The following PPM1L variants were observed in gnomAD, a reference collection of about 807,000 sequenced individuals.
The protein encoded by PPM1L is protein phosphatase, Mg2+/Mn2+ dependent 1L, also known as protein phosphatase 1L.
PPM1L carries 13 observed loss-of-function variants against 31.4 expected under a neutral mutation model. That is an observed-to-expected ratio of 0.41 (90% confidence interval 0.27 to 0.66). PPM1L has a LOEUF of 0.66. PPM1L is among the 30% of genes least tolerant of loss of function. The probability of loss-of-function intolerance (pLI) is 0.29; values close to 1 mark genes in which losing one functional copy is unlikely to be tolerated. For synonymous variants in PPM1L, 184 were observed against 175.4 expected, an observed-to-expected ratio of 1.05 and a Z score of -0.39; for missense variants, 326 against 453.7, an observed-to-expected ratio of 0.72 and a Z score of 2.56.
At chr3:160,872,826 C>A (rs1470003103) in intron 1 of PPM1L, among the ~76,000 whole-genome samples, 3 of 152,072 alleles carry the variant, frequency 2.0e-5, no homozygotes, top group African/African-American at 7.2e-5. Context: ...ACTTGGGAAT[C>A]TGGGACAGGA....
intron 1 of PPM1L, among the ~76,000 whole-genome samples, chr3:160,759,350 C>G (rs1285924939): frequency 1.3e-5 from 2 of 152,174 alleles, no homozygotes; most frequent in Non-Finnish European, 2.9e-5. Context: ...TCTTTAGATG[C>G]AGAGGAGACA....
chr3:160,944,879 C>CAT lies in PPM1L; in HGVS notation c.400-16850_400-16849dup, dbSNP rs1338497426. Among the ~76,000 whole-genome samples the CAT allele has an allele frequency of 2.7e-3, 48 of 17,570 alleles. 3 individuals are homozygous for CAT. Among genetic ancestry groups the CAT allele is most frequent in the African/African-American group, 7.0e-3 (46 of 6,576 alleles). 11.5% of individuals were successfully genotyped at this position (17,570 alleles called of 152,430 possible). ...ATATTATATATAATGTTATATATAA[C>CAT]ATATATATTATATATAACTGATGTT... On this transcript the variant is annotated intron_variant, in intron 1 of 3. Transcript: ENST00000498165.
chr3:161,075,272 CAG>C lies in PPM1L; in HGVS notation c.*6116_*6117del, dbSNP rs759506939. On this transcript the variant is annotated 3_prime_UTR_variant, in exon 4 of 4. Transcript: ENST00000498165. ...AAAGGCGGATGTAATAGTCAAGTAT[CAG>C]GGAAAAACCCCTTTAGGATACCCAG... 1 of 152,130 alleles carries C rather than the reference CAG, an allele frequency of 6.6e-6. No homozygotes were observed. Among genetic ancestry groups the C allele is most frequent in the Non-Finnish European group, 1.5e-5 (1 of 68,024 alleles). 9.4% of individuals were successfully genotyped at this position (152,130 alleles called of 1,614,324 possible).
chr3:160,949,144 T>G (rs574140314), intron 1 of PPM1L, among the ~76,000 whole-genome samples: 1 of 152,284 alleles, frequency 6.6e-6, no homozygotes, highest in South Asian at 2.1e-4. Flanking sequence ...GAAGAAACAC[T>G]GATGAAGCCC....
intron 2 of PPM1L, among the ~76,000 whole-genome samples, chr3:161,049,188 G>T (rs1022021279): frequency 1.3e-5 from 2 of 151,940 alleles, no homozygotes; most frequent in African/African-American, 4.8e-5. Flanking sequence ...TGGGGTGGGA[G>T]GATCACTTGA....
rs117837019 is a variant in PPM1L at position 160,794,920 on chromosome 3, G to A, written c.399+38213G>A. Reference sequence around the variant, plus strand: ...AGCTTGCTTTAGAGAAAGAGGAAACGCAGGGGGTAATGGTGAAATGATCTG... The same window carrying A: ...AGCTTGCTTTAGAGAAAGAGGAAACACAGGGGGTAATGGTGAAATGATCTG... On this transcript the variant is annotated intron_variant, in intron 1 of 3. Coordinates refer to ENST00000498165, the MANE Select transcript of PPM1L (RefSeq NM_139245.4). 1.2e-3 allele frequency among the ~76,000 whole-genome samples: 177 copies of A among 152,294 alleles called. 2 individuals carry two copies. In the East Asian group the frequency reaches 0.03, roughly 25 times the overall value.
chr3:160,819,278 T>C (rs566428950), intron 1 of PPM1L, among the ~76,000 whole-genome samples: 8 of 152,184 alleles, frequency 5.3e-5, no homozygotes, highest in Admixed American at 4.6e-4. Context: ...TGACATTGCC[T>C]AGCCTCATTT....
intron 2 of PPM1L, among the ~76,000 whole-genome samples, chr3:160,977,383 A>C (rs1716627808): frequency 1.3e-5 from 2 of 152,234 alleles, no homozygotes; most frequent in Admixed American, 6.5e-5. Context: ...CTATGTGCCA[A>C]GTTCTGGCTA....
intron 2 of PPM1L, among the ~76,000 whole-genome samples, chr3:161,023,209 G>A (rs115633372): frequency 0.018 from 2,793 of 151,700 alleles, 77 homozygotes; most frequent in African/African-American, 0.063. Context: ...TCTTGGTGTG[G>A]ATTTCTTAGA....
chr3:160,756,546 G>C lies in PPM1L; in HGVS notation c.238G>C (p.Ala80Pro), dbSNP rs886618185. 1 of 1,614,138 alleles carries C rather than the reference G, an allele frequency of 6.2e-7. No homozygotes were observed. The highest frequency in any genetic ancestry group is 1.6e-4 in the Middle Eastern group (1 of 6,062). The change falls in exon 1 of 4, where the codon GCC (alanine) becomes CCC (proline). Residue 80 changes from alanine (A) to proline (P), a missense_variant. By Grantham distance (27) the Ala-to-Pro change is conservative. This residue lies in a region of PPM1L where 83 missense variants were observed against 79.4 expected (regional missense o/e 1.04). Transcript: ENST00000498165. This position sits in a 1 kb window ranked among gnomAD's most constrained non-coding sequence, Gnocchi z 6.2. ...DRLGGLDVLEAEFSKTWEFKN... is the reference protein window; with the variant it reads ...DRLGGLDVLEPEFSKTWEFKN... ...ACTCGGGGGGCTTGATGTGCTCGAG[G>C]CCGAGTTTTCCAAGACCTGGGAGTT...
At chr3:160,800,833 T>C (rs1469898417) in intron 1 of PPM1L, among the ~76,000 whole-genome samples, 1 of 152,218 alleles carries the variant, frequency 6.6e-6, no homozygotes, top group Non-Finnish European at 1.5e-5. Flanking sequence ...GTACTTTTCA[T>C]GTATTTTCTG....
At chr3:160,940,610 G>T (rs1440407056) in intron 1 of PPM1L, among the ~76,000 whole-genome samples, 4 of 152,224 alleles carry the variant, frequency 2.6e-5, no homozygotes, top group African/African-American at 4.8e-5. Context: ...CTTTCATGTT[G>T]TATTGAGCCT....
intron 1 of PPM1L, among the ~76,000 whole-genome samples, chr3:160,884,952 A>G (rs530771114): frequency 1.3e-5 from 2 of 152,136 alleles, no homozygotes; most frequent in South Asian, 4.1e-4. Flanking sequence ...TCATACTGAC[A>G]CCTCCTCAAA....
intron 1 of PPM1L, among the ~76,000 whole-genome samples, chr3:160,869,540 T>C (rs1712224522): frequency 6.6e-6 from 1 of 152,178 alleles, no homozygotes; most frequent in Admixed American, 6.5e-5. Context: ...GTATATATGG[T>C]ATTTTTTGTC....
chr3:160,954,749 G>T (rs564467765), intron 1 of PPM1L, among the ~76,000 whole-genome samples: 1 of 152,116 alleles, frequency 6.6e-6, no homozygotes, highest in South Asian at 2.1e-4. Flanking sequence ...TCTGTTGATA[G>T]TTTCTTTTGC....
chr3:160,786,783 G>A lies in PPM1L; in HGVS notation c.399+30076G>A, dbSNP rs144887540. On this transcript the variant is annotated intron_variant, in intron 1 of 3. Transcript: ENST00000498165. ...CCTCAAATAGGCCCTGGTGTCTATC[G>A]TTATCTTATTAGTGTCCATGTGTAC... Among the ~76,000 whole-genome samples, 662 of 151,998 alleles carry A rather than the reference G, an allele frequency of 4.4e-3. 26 individuals are homozygous for A. The highest frequency in any genetic ancestry group is 0.04 in the Admixed American group (610 of 15,236).
chr3:160,862,593 G>A (rs573052576), intron 1 of PPM1L, among the ~76,000 whole-genome samples: 54 of 151,080 alleles, frequency 3.6e-4, no homozygotes, highest in African/African-American at 1.2e-3. Context: ...CTCAGGTCCC[G>A]GTGAGAGGGC....
At chr3:160,881,527 T>C (rs1489667646) in intron 1 of PPM1L, among the ~76,000 whole-genome samples, 1 of 152,204 alleles carries the variant, frequency 6.6e-6, no homozygotes, top group Non-Finnish European at 1.5e-5. Context: ...ACCTCCCCCA[T>C]CTTTCTTAAG....
Position 160,756,300 on chromosome 3 carries a change from C to G in PPM1L, c.-9C>G. The G allele has an allele frequency of 6.3e-7, 1 of 1,599,410 alleles. No individual in the cohort carries two copies. The highest frequency in any genetic ancestry group is 8.5e-7 in the Non-Finnish European group (1 of 1,169,712). On this transcript the variant is annotated 5_prime_UTR_variant, in exon 1 of 4. Coordinates refer to ENST00000498165, the MANE Select transcript of PPM1L (RefSeq NM_139245.4). This position sits in a 1 kb window ranked among gnomAD's most constrained non-coding sequence, Gnocchi z 6.2. ...TCGCTGGTGGTGGTTGAGGCTCTAG[C>G]GATAATAAATGATAGAGGATACAAT...
Sources: allele counts gnomAD v4.1 joint callset (sites outside exome capture counted in the v4.1 genomes callset), GRCh38; gene constraint gnomAD v4.1.1; regional missense constraint gnomAD v4.1.1; non-coding constraint Gnocchi (gnomAD v3.1); transcripts MANE v1.5; gene names NCBI Gene and HGNC (gene_info 2026-07-23, HGNC 2026-07-21).